The following NFYC variants were observed in gnomAD, a reference collection of about 807,000 sequenced individuals.
The protein encoded by NFYC is CAAT box DNA-binding protein subunit C.
NFYC carries 25 observed loss-of-function variants against 53.1 expected under a neutral mutation model. That is an observed-to-expected ratio of 0.47 (90% CI 0.34 to 0.66). The LOEUF (loss-of-function observed/expected upper bound fraction) is 0.66. Ranked by LOEUF, NFYC falls within the 30% of genes least tolerant of loss-of-function variation. The pLI is 0.01. For synonymous variants in NFYC, 145 were observed against 152.6 expected, an observed-to-expected ratio of 0.95 and a Z score of 0.37; for missense variants, 260 against 422.7, an observed-to-expected ratio of 0.62 and a Z score of 3.38.
chr1:40,719,445 A>G (rs1167883816), intron 1 of NFYC, among the ~76,000 whole-genome samples: 1 of 152,194 alleles, frequency 6.6e-6, no homozygotes, highest in African/African-American at 2.4e-5. Context: ...AATTATAGAG[A>G]AAGGATAGAG....
chr1:40,697,167 A>G (rs916074894), intron 1 of NFYC, among the ~76,000 whole-genome samples: 1 of 152,222 alleles, frequency 6.6e-6, no homozygotes, highest in Admixed American at 6.5e-5. Context: ...AAATGAATAT[A>G]ATAGCGTGTG....
At chr1:40,742,103 G>A (rs1645380120) in intron 2 of NFYC, among the ~76,000 whole-genome samples, 1 of 151,684 alleles carries the variant, frequency 6.6e-6, no homozygotes, top group South Asian at 2.1e-4. Context: ...AGAGATGGAG[G>A]TCTCACTATG....
rs200544060 is a variant in NFYC at position 40,770,799 on chromosome 1, G to A, written c.979G>A (p.Gly327Arg). The A allele has an allele frequency of 8.1e-6, 13 of 1,611,522 alleles. No individual in the cohort carries two copies. Among genetic ancestry groups the A allele is most frequent in the Admixed American group, 3.3e-5 (2 of 60,010 alleles). ...CCAGTCAGCCAACCAGCCCTCCGAC[G>A]GGCAGGCCCCCCAGGTGACCGGCGA... ...FIQSANQPSD[G>R]QAPQVTGD The change falls in exon 10 of 10, where the codon GGG becomes AGG. Residue 327 changes from glycine (G) to arginine (R), a missense_variant. By Grantham distance (125) the Gly-to-Arg change is moderately radical (BLOSUM62 -2). Coordinates refer to ENST00000447388, the MANE Select transcript of NFYC (RefSeq NM_014223.5). The surrounding 1 kb of genome is among the most constrained non-coding windows in gnomAD (Gnocchi z 5.3).
At chr1:40,735,749 AG>A (rs984314085) in intron 1 of NFYC, 2 of 985,250 alleles carry the variant, frequency 2.0e-6, no homozygotes, top group Non-Finnish European at 1.2e-6. Context: ...ATGCAATAAA[AG>A]GTTAGATTCT....
chr1:40,692,896 C>G (rs1024019752), intron 1 of NFYC, among the ~76,000 whole-genome samples: 3 of 152,164 alleles, frequency 2.0e-5, no homozygotes, highest in Non-Finnish European at 4.4e-5. Context: ...TATTGAGTCT[C>G]AGGACCATAC....
chr1:40,762,698 TC>T (rs752436295), intron 6 of NFYC, among the ~76,000 whole-genome samples, 189 bp from the exon 7 acceptor site: 18 of 152,316 alleles, frequency 1.2e-4, no homozygotes, highest in Non-Finnish European at 2.1e-4. Context: ...GGTTTTTCTT[TC>T]GTTTTGGAGA....
rs1644910692 is a variant in NFYC, at chr1:40,734,223, A to G, written c.-8-4613A>G. ...ACATTCTTTCCCTTATTATCCTAGA[A>G]GATGAACCCAGAATATTTTCCATGG... On this transcript the variant is annotated intron_variant, in intron 1 of 9. Transcript: ENST00000447388. 2.0e-5 allele frequency among the ~76,000 whole-genome samples: 3 copies of G among 152,326 alleles called. No homozygotes were observed. In the South Asian group the frequency reaches 6.2e-4, roughly 32 times the overall value.
chr1:40,737,474 G>A (rs1200555831), intron 1 of NFYC, among the ~76,000 whole-genome samples: 5 of 151,634 alleles, frequency 3.3e-5, no homozygotes, highest in Non-Finnish European at 7.4e-5. Context: ...GATTACAAGC[G>A]TCTGCCGCCA....
intron 1 of NFYC, chr1:40,712,643 T>C (rs940715106): frequency 2.7e-5 from 4 of 149,388 alleles, no homozygotes; most frequent in Non-Finnish European, 1.5e-5. Flanking sequence ...AGCAAGTAAA[T>C]GTTGGGATTA....
At chr1:40,716,745 T>G (rs1644150059) in intron 1 of NFYC, among the ~76,000 whole-genome samples, 1 of 152,198 alleles carries the variant, frequency 6.6e-6, no homozygotes, top group Non-Finnish European at 1.5e-5. Context: ...GCTATCATCA[T>G]CATCGTTTTT....
At chr1:40,748,125 C>T (rs115765072) in intron 3 of NFYC, among the ~76,000 whole-genome samples, 6,883 of 151,300 alleles carry the variant, frequency 0.045, 198 homozygotes, top group Middle Eastern at 0.068. Context: ...TGTGAGCCAC[C>T]GCATCTGGCC....
In NFYC at chr1:40,713,114, A is replaced by G. The variant is rs537010293; in HGVS notation, c.-9+21247A>G. Among the ~76,000 whole-genome samples, 7 of 152,346 alleles carry G rather than the reference A, an allele frequency of 4.6e-5. No homozygotes were observed. In the South Asian group the frequency reaches 1.2e-3, roughly 27 times the overall value. The stretch of plus-strand genomic sequence containing the variant: ...ACCTACTATGAGATACCTTTCTAAC[A>G]TAATTGGTGGAAACTCATGGGGGTT... On this transcript the variant is annotated intron_variant, in intron 1 of 9. Transcript: ENST00000447388.
At chr1:40,742,591 A>T (rs938118237) in intron 2 of NFYC, among the ~76,000 whole-genome samples, 1 of 152,168 alleles carries the variant, frequency 6.6e-6, no homozygotes, top group African/African-American at 2.4e-5. Context: ...GACTAATTAA[A>T]ATTCTCCTCC....
chr1:40,740,671 A>G (rs535104518), intron 2 of NFYC, among the ~76,000 whole-genome samples: 83 of 152,358 alleles, frequency 5.4e-4, no homozygotes, highest in Non-Finnish European at 1.0e-3. Flanking sequence ...ATGAAATGAT[A>G]AAGTCAAAAG....
chr1:40,695,078 A>G (rs1005062857), intron 1 of NFYC, among the ~76,000 whole-genome samples: 1 of 152,164 alleles, frequency 6.6e-6, no homozygotes, highest in East Asian at 1.9e-4. Flanking sequence ...TGATGAAACA[A>G]AATTACAAAA....
rs181042452 is a variant in NFYC, at chr1:40,735,751, G to A, written c.-8-3085G>A. 1.9e-3 allele frequency: 1,897 copies of A among 985,110 alleles called. 2 individuals are homozygous for A. The highest frequency in any genetic ancestry group is 2.2e-3 in the Non-Finnish European group (1,787 of 829,682). The allele number at this position is 985,110 out of a possible 1,614,324, so 61.0% of individuals were successfully genotyped here. On this transcript the variant is annotated intron_variant, in intron 1 of 9. Transcript: ENST00000447388. The stretch of plus-strand genomic sequence containing the variant: ...TGTCCAGGGACCCATGCAATAAAAG[G>A]TTAGATTCTTTTAAAGCTTTTTGAT...
At chr1:40,741,802 C>G (rs1454081713) in intron 2 of NFYC, among the ~76,000 whole-genome samples, 3 of 152,054 alleles carry the variant, frequency 2.0e-5, no homozygotes, top group Non-Finnish European at 4.4e-5. Flanking sequence ...CAGGGTCCCA[C>G]CATGTTACCC....
chr1:40,700,736 A>G (rs1045396550), intron 1 of NFYC, among the ~76,000 whole-genome samples: 1 of 152,202 alleles, frequency 6.6e-6, no homozygotes, highest in Non-Finnish European at 1.5e-5. Context: ...TTAATTTTTA[A>G]TAAACTAATA....
At chr1:40,711,703 T>G (rs1643933617) in intron 1 of NFYC, among the ~76,000 whole-genome samples, 1 of 152,208 alleles carries the variant, frequency 6.6e-6, no homozygotes, top group African/African-American at 2.4e-5. Context: ...CAGATAAATG[T>G]TTACTAGACA....
Sources: allele counts gnomAD v4.1 joint callset (sites outside exome capture counted in the v4.1 genomes callset), GRCh38; gene constraint gnomAD v4.1.1; non-coding constraint Gnocchi (gnomAD v3.1); transcripts MANE v1.5; gene names NCBI Gene and HGNC (gene_info 2026-07-23, HGNC 2026-07-21).